HMG20A: variants seen among roughly 807,000 people sequenced by gnomAD.
The protein encoded by HMG20A is high mobility group protein 20A.
In HMG20A, 17 loss-of-function variants were observed where a neutral mutation model predicts 43.9. The ratio of observed to expected loss-of-function variants is 0.39; its 90% CI spans 0.27 to 0.58. The LOEUF (loss-of-function observed/expected upper bound fraction) is 0.58. HMG20A is among the 20% of genes least tolerant of loss of function. The pLI is 0.59. For synonymous variants in HMG20A, 132 were observed against 147.5 expected, an observed-to-expected ratio of 0.89 and a Z score of 0.76; for missense variants, 341 against 438.2, an observed-to-expected ratio of 0.78 and a Z score of 1.98.
intron 5 of HMG20A, among the ~76,000 whole-genome samples, chr15:77,471,271 G>A (rs983794944): frequency 2.0e-5 from 3 of 151,570 alleles, no homozygotes; most frequent in African/African-American, 2.4e-5. Flanking sequence ...CTTGTCCTCC[G>A]AGACCCCTGT....
the HMG20A span, among the ~76,000 whole-genome samples, chr15:77,493,173 G>A: frequency 2.6e-5 from 4 of 152,200 alleles, no homozygotes; most frequent in African/African-American, 7.2e-5. Context: ...TTAAGTAGAT[G>A]TGATGTTGCC....
downstream of HMG20A, among the ~76,000 whole-genome samples, chr15:77,485,801 A>G (rs539445783): frequency 1.3e-5 from 2 of 152,308 alleles, no homozygotes; most frequent in East Asian, 1.9e-4. Flanking sequence ...GCATGGTGGC[A>G]TGAGCCTGTA....
chr15:77,479,564 A>G, intron 9 of HMG20A: 1 of 382,166 alleles, frequency 2.6e-6, no homozygotes, highest in Non-Finnish European at 4.7e-6. Context: ...GTTCAAGTCC[A>G]GAGAGATCCT....
At chr15:77,504,308 G>T in the HMG20A span, among the ~76,000 whole-genome samples, 1 of 152,200 alleles carries the variant, frequency 6.6e-6, no homozygotes, top group Non-Finnish European at 1.5e-5. Context: ...AATGAGCAGG[G>T]CGTTCTTCCT....
intron 8 of HMG20A, 32 bp downstream of exon 8, chr15:77,478,542 C>T: frequency 2.6e-6 from 4 of 1,567,756 alleles, no homozygotes; most frequent in Non-Finnish European, 3.5e-6. Flanking sequence ...CTGTCAGTGA[C>T]AGGGGTGTGT....
rs149147059 is a variant in HMG20A, at chr15:77,421,249, G to A, written c.-5+245G>A. On this transcript the variant is annotated intron_variant, in intron 1 of 9. Transcript: ENST00000336216. Reference sequence around the variant, plus strand: ...CCGACCCACTTCCAGTGCTGATGAGGGCTTGAAAAGGTGGTGCTTGGTGCC... The same window carrying A: ...CCGACCCACTTCCAGTGCTGATGAGAGCTTGAAAAGGTGGTGCTTGGTGCC... Among the ~76,000 whole-genome samples the A allele has an allele frequency of 4.8e-3, 730 of 152,262 alleles. 4 individuals carry two copies. The highest frequency in any genetic ancestry group is 0.016 in the African/African-American group (676 of 41,544).
At chr15:77,421,047 G>T in intron 1 of HMG20A, 43 bp downstream of exon 1, 1 of 398,306 alleles carries the variant, frequency 2.5e-6, no homozygotes, top group Non-Finnish European at 4.4e-6. Context: ...CAGTCGAGAT[G>T]CCCTTCACCC....
Position 77,484,639 on chromosome 15 carries a change from A to G in HMG20A, c.*1676A>G, listed in dbSNP as rs2072932567. 6.6e-6 allele frequency: 1 copy of G among 152,246 alleles called. No homozygotes were observed. Among genetic ancestry groups the G allele is most frequent in the Non-Finnish European group, 1.5e-5 (1 of 68,048 alleles). The allele number at this position is 152,246 out of a possible 1,614,324, so 9.4% of individuals were successfully genotyped here. A position where few individuals can be genotyped will look rare whatever the true frequency, so the allele number is the denominator to read the frequency against. ...TTATATGAACATATATCAAATATCC[A>G]TGCGCTGAAACCCACATACCATCAC... is the stretch of plus-strand genomic sequence containing the variant. On this transcript the variant is annotated 3_prime_UTR_variant, in exon 10 of 10. Coordinates refer to ENST00000336216, the MANE Select transcript of HMG20A (RefSeq NM_001304504.2).
At chr15:77,434,621 T>A (rs1233942510) in intron 1 of HMG20A, among the ~76,000 whole-genome samples, 1 of 152,188 alleles carries the variant, frequency 6.6e-6, no homozygotes, top group Non-Finnish European at 1.5e-5. Flanking sequence ...TGCACCCAGC[T>A]ATTTTATTTA....
chr15:77,507,287 G>C, the HMG20A span, among the ~76,000 whole-genome samples: 6 of 152,100 alleles, frequency 3.9e-5, no homozygotes, highest in African/African-American at 1.2e-4. Flanking sequence ...AGTAATACAG[G>C]CTTCTTCCTT....
chr15:77,508,037 C>T, the HMG20A span, among the ~76,000 whole-genome samples: 1 of 152,184 alleles, frequency 6.6e-6, no homozygotes, highest in African/African-American at 2.4e-5. Flanking sequence ...CACCCAAGCC[C>T]TACGCACACA....
downstream of HMG20A, among the ~76,000 whole-genome samples, chr15:77,487,533 C>T (rs2072951980): frequency 6.6e-6 from 1 of 152,200 alleles, no homozygotes; most frequent in Admixed American, 6.5e-5. Flanking sequence ...TCCCATCTAG[C>T]TCTTCCCCTA....
chr15:77,487,521 G>A (rs995246769), downstream of HMG20A, among the ~76,000 whole-genome samples: 2 of 152,084 alleles, frequency 1.3e-5, no homozygotes, highest in African/African-American at 2.4e-5. Flanking sequence ...GCCATTTCCT[G>A]TTCCCATCTA....
the HMG20A span, among the ~76,000 whole-genome samples, chr15:77,491,458 G>A: frequency 4.6e-5 from 7 of 152,280 alleles, no homozygotes; most frequent in African/African-American, 1.7e-4. Context: ...AGTAATTATG[G>A]ATTTTATTCA....
chr15:77,442,769 T>C (rs1447528351), intron 1 of HMG20A, among the ~76,000 whole-genome samples: 1 of 152,156 alleles, frequency 6.6e-6, no homozygotes, highest in East Asian at 1.9e-4. Flanking sequence ...CTTCTAATGG[T>C]GTTTTTCTGG....
At chr15:77,488,794 T>A (rs1346722859), downstream of HMG20A, among the ~76,000 whole-genome samples, 2 of 152,244 alleles carry the variant, frequency 1.3e-5, no homozygotes, top group Non-Finnish European at 2.9e-5. Context: ...TGAGAAACTA[T>A]CAGAATGCAC....
the HMG20A span, among the ~76,000 whole-genome samples, chr15:77,519,484 G>C: frequency 6.6e-6 from 1 of 152,186 alleles, no homozygotes; most frequent in Non-Finnish European, 1.5e-5. Flanking sequence ...ATTAAGAGGT[G>C]GGGCCTTTTG....
At chr15:77,426,172 T>A (rs1387876526) in intron 1 of HMG20A, among the ~76,000 whole-genome samples, 1 of 152,148 alleles carries the variant, frequency 6.6e-6, no homozygotes, top group East Asian at 1.9e-4. Flanking sequence ...TAGATAGTGG[T>A]GGTGGTTGCA....
intron 9 of HMG20A, among the ~76,000 whole-genome samples, chr15:77,480,682 A>T (rs991762795): frequency 2.0e-5 from 3 of 151,374 alleles, no homozygotes; most frequent in African/African-American, 4.8e-5. Context: ...ATAAGTTTTT[A>T]AAAAATATGT....
Sources: allele counts gnomAD v4.1 joint callset (sites outside exome capture counted in the v4.1 genomes callset), GRCh38; gene constraint gnomAD v4.1.1; transcripts MANE v1.5; gene names NCBI Gene and HGNC (gene_info 2026-07-23, HGNC 2026-07-21).